Variants in DNAAF4 observed in about 807,000 individuals in gnomAD.
DNAAF4 encodes dynein assembly factor 4, axonemal.
DNAAF4 carries 43 observed loss-of-function variants against 51.8 expected under a neutral mutation model. The observed-to-expected ratio is 0.83, with a 90% confidence interval of 0.65 to 1.07. The LOEUF is 1.07. Ranked by LOEUF, DNAAF4 falls within the 50% of genes least tolerant of loss-of-function variation. DNAAF4 has a pLI of 0.00. For missense variants in DNAAF4, 581 were observed against 493.0 expected (o/e 1.18, Z -1.69); for synonymous variants, 194 against 165.6 (o/e 1.17, Z -1.32).
chr15:55,419,713 T>C (rs1566993504), intron 7 of DNAAF4, among the ~76,000 whole-genome samples: 1 of 152,192 alleles, frequency 6.6e-6, no homozygotes, highest in Non-Finnish European at 1.5e-5. Flanking sequence ...ATTAACAATA[T>C]TGGCCGGGTG....
At chr15:55,444,699 G>C (rs1403174528) in intron 6 of DNAAF4, among the ~76,000 whole-genome samples, 3 of 152,192 alleles carry the variant, frequency 2.0e-5, no homozygotes, top group Non-Finnish European at 4.4e-5. Flanking sequence ...TCTTCCATTT[G>C]TTTGTGTCCT....
At chr15:55,503,046 A>C (rs1258934281) in intron 1 of DNAAF4, among the ~76,000 whole-genome samples, 1 of 152,218 alleles carries the variant, frequency 6.6e-6, no homozygotes, top group Admixed American at 6.5e-5. Context: ...ATAAAGAAGA[A>C]AAGAGAAAAG....
chr15:55,461,866 A>G (rs2058098809), intron 5 of DNAAF4, among the ~76,000 whole-genome samples: 3 of 152,192 alleles, frequency 2.0e-5, no homozygotes, highest in African/African-American at 7.2e-5. Flanking sequence ...TGAAAAGACA[A>G]ACAAAACTGA....
intron 3 of DNAAF4, among the ~76,000 whole-genome samples, chr15:55,492,306 A>G (rs2058585876): frequency 6.6e-6 from 1 of 150,784 alleles, no homozygotes; most frequent in African/African-American, 2.4e-5. Context: ...AGGGGAGAGG[A>G]GAAAACTTGA....
chr15:55,493,063 G>A (rs972697380), intron 3 of DNAAF4, among the ~76,000 whole-genome samples: 8 of 152,070 alleles, frequency 5.3e-5, no homozygotes, highest in Non-Finnish European at 1.2e-4. Context: ...GAGGCCTTTT[G>A]GGAGGTAGTG....
intron 4 of DNAAF4, among the ~76,000 whole-genome samples, chr15:55,471,007 C>G (rs943417460): frequency 2.0e-5 from 3 of 151,390 alleles, no homozygotes; most frequent in African/African-American, 7.3e-5. Flanking sequence ...GCCCGCAGCA[C>G]CACGAATGGC....
In DNAAF4 at chr15:55,439,631, T is replaced by G. The variant is rs769163604; in HGVS notation, c.784-50A>C. 7.4e-6 allele frequency: 11 copies of G among 1,493,366 alleles called. No individual in the cohort carries two copies. In the East Asian group the frequency reaches 2.5e-4, roughly 34 times the overall value. The allele number at this position is 1,493,366 out of a possible 1,614,324, so 92.5% of individuals were successfully genotyped here. A position where few individuals can be genotyped will look rare whatever the true frequency, so the allele number is the denominator to read the frequency against. On this transcript the variant is annotated intron_variant, in intron 6 of 9. Transcript: ENST00000321149. ...AAGAATAAAAAGGTCTTTTTTTAAT[T>G]AACATTTCCTTTTAGATTTTCCATC...
intron 4 of DNAAF4, among the ~76,000 whole-genome samples, chr15:55,486,550 G>T (rs1300894100): frequency 6.6e-6 from 1 of 152,012 alleles, no homozygotes; most frequent in African/African-American, 2.4e-5. Context: ...GTGTGCTTAA[G>T]AATTTTCCAG....
intron 5 of DNAAF4, among the ~76,000 whole-genome samples, chr15:55,458,067 A>C (rs949170474): frequency 1.3e-5 from 2 of 152,202 alleles, no homozygotes; most frequent in Non-Finnish European, 2.9e-5. Flanking sequence ...CTTACCACTG[A>C]AACAGTCTAC....
chr15:55,468,482 T>C (rs368894035), intron 4 of DNAAF4, among the ~76,000 whole-genome samples: 10 of 151,936 alleles, frequency 6.6e-5, no homozygotes, highest in South Asian at 2.1e-4. Context: ...TGCCAACAGA[T>C]TGAACCAGGA....
chr15:55,435,768 A>G (rs2057597699), intron 7 of DNAAF4, among the ~76,000 whole-genome samples: 1 of 152,158 alleles, frequency 6.6e-6, no homozygotes, highest in Middle Eastern at 3.2e-3. Flanking sequence ...TTTCTTCAAA[A>G]TGCAAAGTCT....
chr15:55,494,429 T>G (rs1042585586), intron 3 of DNAAF4, among the ~76,000 whole-genome samples: 9 of 152,060 alleles, frequency 5.9e-5, no homozygotes, highest in African/African-American at 1.9e-4. Context: ...TTATTTTTTT[T>G]GAGATGGAGT....
chr15:55,435,885 T>G (rs2057600311), intron 7 of DNAAF4, among the ~76,000 whole-genome samples: 1 of 152,134 alleles, frequency 6.6e-6, no homozygotes. Context: ...GCCTCCCAGG[T>G]TCAAACGATT....
chr15:55,459,112 C>T (rs1005678536), intron 5 of DNAAF4, among the ~76,000 whole-genome samples: 1 of 150,894 alleles, frequency 6.6e-6, no homozygotes, highest in Non-Finnish European at 1.5e-5. Flanking sequence ...GGCAAAAGCA[C>T]CAGGTAATCT....
rs906290761 is a variant in DNAAF4, at chr15:55,498,436, C to G, written c.-107G>C. ...GCCAGCCCTTCCGGGTCAGGCCGGCCGGGAGCCCGGCGTTCCCAGCGTGCT... is the reference window on the plus strand; with the variant it reads ...GCCAGCCCTTCCGGGTCAGGCCGGCGGGGAGCCCGGCGTTCCCAGCGTGCT... On this transcript the variant is annotated 5_prime_UTR_variant, in exon 2 of 10. Transcript: ENST00000321149. 6.8e-7 allele frequency: 1 copy of G among 1,477,296 alleles called. No homozygotes were observed. The highest frequency in any genetic ancestry group is 9.0e-7 in the Non-Finnish European group (1 of 1,115,842). The allele number at this position is 1,477,296 out of a possible 1,614,324, so 91.5% of individuals were successfully genotyped here.
chr15:55,452,603 T>C (rs1420423856), intron 5 of DNAAF4, among the ~76,000 whole-genome samples: 1 of 152,210 alleles, frequency 6.6e-6, no homozygotes, highest in Non-Finnish European at 1.5e-5. Flanking sequence ...CAACACAGGT[T>C]AAAACTTTTA....
intron 5 of DNAAF4, among the ~76,000 whole-genome samples, chr15:55,452,363 CG>C (rs1448204979): frequency 1.3e-5 from 2 of 149,712 alleles, no homozygotes; most frequent in Non-Finnish European, 1.5e-5. Context: ...ATGATTAATA[CG>C]ATATAGAACA....
At chr15:55,443,500 A>C (rs556980532) in intron 6 of DNAAF4, 2 of 497,388 alleles carry the variant, frequency 4.0e-6, no homozygotes, top group South Asian at 4.9e-5. Flanking sequence ...TAGTGCTGCA[A>C]TAAACATACA....
intron 8 of DNAAF4, among the ~76,000 whole-genome samples, chr15:55,433,721 A>T (rs2057535760): frequency 7.6e-6 from 1 of 131,990 alleles, no homozygotes; most frequent in African/African-American, 2.8e-5. Flanking sequence ...TATATATATA[A>T]AACAAATATA....
Sources: gnomAD v4.1 joint callset for allele counts (sites outside exome capture counted in the v4.1 genomes callset) on GRCh38, gnomAD v4.1.1 for gene constraint, MANE v1.5 for transcripts, NCBI Gene and HGNC (gene_info 2026-07-23, HGNC 2026-07-21) for gene names.